Variants in GMPR observed in about 807,000 individuals in gnomAD.
GMPR encodes the protein GMP reductase 1.
In GMPR, 31 loss-of-function variants were observed where a neutral mutation model predicts 38.4. That is an observed-to-expected ratio of 0.81 (90% CI 0.61 to 1.09). GMPR has a LOEUF of 1.09. Ranked by LOEUF, GMPR falls within the 50% of genes least tolerant of loss-of-function variation. GMPR has a pLI of 0.00. For missense variants in GMPR, 468 were observed against 453.7 expected, an observed-to-expected ratio of 1.03 and a Z score of -0.29; for synonymous variants, 162 against 173.3, an observed-to-expected ratio of 0.93 and a Z score of 0.51.
chr6:16,295,277 G>C lies in GMPR; in HGVS notation c.*91G>C. 2 of 983,638 alleles carry C rather than the reference G, an allele frequency of 2.0e-6. No individual in the cohort carries two copies. Among genetic ancestry groups the C allele is most frequent in the Non-Finnish European group, 2.8e-6 (2 of 702,220 alleles). 60.9% of individuals were successfully genotyped at this position (983,638 alleles called of 1,614,324 possible). A position where few individuals can be genotyped will look rare whatever the true frequency, so the allele number is the denominator to read the frequency against. ...CAAGTCTGTTCCGTCAGAGCTTCTG[G>C]CTGCTCCTGAATGGTGGAATGCTGT... On this transcript the variant is annotated 3_prime_UTR_variant, in exon 9 of 9. Coordinates refer to ENST00000259727, the MANE Select transcript of GMPR (RefSeq NM_006877.4).
chr6:16,275,665 G>A (rs1168421007), intron 5 of GMPR, among the ~76,000 whole-genome samples: 3 of 152,188 alleles, frequency 2.0e-5, no homozygotes, highest in Non-Finnish European at 4.4e-5. Context: ...CTTAGGGCAG[G>A]CTGTAATAGA....
intron 4 of GMPR, among the ~76,000 whole-genome samples, chr6:16,261,074 C>T (rs975501597): frequency 2.0e-5 from 3 of 151,860 alleles, no homozygotes; most frequent in African/African-American, 4.8e-5. Flanking sequence ...CGGCGGCAGC[C>T]GCTGCACGGA....
intron 1 of GMPR, 92 bp downstream of exon 1, chr6:16,238,872 C>T: frequency 7.3e-6 from 4 of 546,978 alleles, no homozygotes; most frequent in African/African-American, 4.0e-5. Context: ...CCGGGTTACC[C>T]TGCCTGCTTT....
chr6:16,293,530 T>C (rs1441590561), intron 8 of GMPR, among the ~76,000 whole-genome samples: 2 of 152,244 alleles, frequency 1.3e-5, no homozygotes, highest in Non-Finnish European at 2.9e-5. Context: ...TTTGAAATTC[T>C]AGATAATGAA....
intron 4 of GMPR, among the ~76,000 whole-genome samples, chr6:16,261,696 A>G (rs1167663864): frequency 6.6e-6 from 1 of 152,010 alleles, no homozygotes; most frequent in African/African-American, 2.4e-5. Flanking sequence ...GCGAGTGATA[A>G]CAGGCTTTAA....
intron 6 of GMPR, among the ~76,000 whole-genome samples, chr6:16,284,174 T>C (rs1759627909): frequency 1.3e-5 from 2 of 152,196 alleles, no homozygotes; most frequent in Admixed American, 1.3e-4. Flanking sequence ...TCAGTAAATG[T>C]TTGTAAAGAA....
At chr6:16,273,707 C>CA (rs1425194103) in intron 4 of GMPR, among the ~76,000 whole-genome samples, 1 of 152,082 alleles carries the variant, frequency 6.6e-6, no homozygotes, top group Non-Finnish European at 1.5e-5. Flanking sequence ...AAAGATTCTT[C>CA]AGGGGCTTTG....
At position 16,274,733 on chromosome 6, in the gene GMPR, G is replaced by A. The variant is rs185870947; in HGVS notation, c.547+237G>A. Among the ~76,000 whole-genome samples, 309 of 152,312 alleles carry A rather than the reference G, an allele frequency of 2.0e-3. 2 individuals carry two copies. The highest frequency in any genetic ancestry group is 7.0e-3 in the African/African-American group (291 of 41,562). ...TAAATTATGGTTAGAATATATGGAT[G>A]TGGTCAGAATATGAGGGCTTGGTTT... On this transcript the variant is annotated intron_variant, in intron 5 of 8. Coordinates refer to ENST00000259727, the MANE Select transcript of GMPR (RefSeq NM_006877.4).
chr6:16,252,060 T>C (rs911947139), intron 3 of GMPR, among the ~76,000 whole-genome samples: 1 of 152,222 alleles, frequency 6.6e-6, no homozygotes, highest in Non-Finnish European at 1.5e-5. Flanking sequence ...GTTACTGTGC[T>C]TTAATTATGT....
intron 3 of GMPR, among the ~76,000 whole-genome samples, chr6:16,251,892 C>T (rs1478488206): frequency 1.3e-5 from 2 of 152,128 alleles, no homozygotes; most frequent in South Asian, 2.1e-4. Context: ...CTGCAACATG[C>T]CTGCACTTGC....
intron 1 of GMPR, among the ~76,000 whole-genome samples, chr6:16,240,486 A>T (rs1033252792): frequency 4.0e-4 from 61 of 152,298 alleles, no homozygotes; most frequent in African/African-American, 1.4e-3. Flanking sequence ...ACAAAAATTT[A>T]AAAAATTAGG....
chr6:16,265,473 C>G (rs754651368), intron 4 of GMPR, among the ~76,000 whole-genome samples: 49 of 152,160 alleles, frequency 3.2e-4, no homozygotes, highest in Non-Finnish European at 6.3e-4. Context: ...AGAGGTGAAG[C>G]CAGCTTGACT....
intron 6 of GMPR, among the ~76,000 whole-genome samples, chr6:16,279,552 C>T (rs1185431281): frequency 6.6e-6 from 1 of 152,232 alleles, no homozygotes; most frequent in Non-Finnish European, 1.5e-5. Context: ...CCCAGTTCAA[C>T]CCATAACAGG....
chr6:16,294,633 A>T (rs1487616850), intron 8 of GMPR, among the ~76,000 whole-genome samples: 1 of 152,060 alleles, frequency 6.6e-6, no homozygotes, highest in Non-Finnish European at 1.5e-5. Context: ...GTGCATGTTG[A>T]GGTAGAATAG....
At chr6:16,248,514 G>C (rs552421617) in intron 2 of GMPR, among the ~76,000 whole-genome samples, 28 of 151,764 alleles carry the variant, frequency 1.8e-4, no homozygotes, top group Non-Finnish European at 2.8e-4. Context: ...TCTCACTGTG[G>C]GCAGCAAGTC....
At chr6:16,284,582 A>T (rs1176114119) in intron 6 of GMPR, among the ~76,000 whole-genome samples, 1 of 152,104 alleles carries the variant, frequency 6.6e-6, no homozygotes, top group African/African-American at 2.4e-5. Context: ...CTCCCCTTGC[A>T]CCATGGCTTT....
At chr6:16,239,695 C>T (rs191785813) in intron 1 of GMPR, among the ~76,000 whole-genome samples, 194 of 152,362 alleles carry the variant, frequency 1.3e-3, no homozygotes, top group African/African-American at 4.4e-3. Flanking sequence ...CACTCAGCTC[C>T]ACAAACAAGA....
At chr6:16,253,963 C>T (rs1424495336) in intron 3 of GMPR, among the ~76,000 whole-genome samples, 2 of 151,542 alleles carry the variant, frequency 1.3e-5, no homozygotes, top group African/African-American at 4.9e-5. Flanking sequence ...CGGAACCTTG[C>T]TCTGTTGCCC....
chr6:16,278,679 C>A, intron 5 of GMPR, 105 bp from the exon 6 acceptor site: 1 of 793,428 alleles, frequency 1.3e-6, no homozygotes, highest in Non-Finnish European at 2.2e-6. Flanking sequence ...CAGAGGTTCA[C>A]CCTGGTCCCT....
Sources: allele counts gnomAD v4.1 joint callset (sites outside exome capture counted in the v4.1 genomes callset), GRCh38; gene constraint gnomAD v4.1.1; transcripts MANE v1.5; gene names NCBI Gene and HGNC (gene_info 2026-07-23, HGNC 2026-07-21).